The following CYP4Z1 variants were observed in gnomAD, a reference collection of about 807,000 sequenced individuals.
The protein encoded by CYP4Z1 is cytochrome P450 family 4 subfamily Z member 1, also known as cytochrome P450 4Z1.
Under a neutral mutation model 54.2 loss-of-function variants are expected in CYP4Z1, and 41 were observed. That is an observed-to-expected ratio of 0.76 (90% CI 0.59 to 0.98). The LOEUF (loss-of-function observed/expected upper bound fraction) is 0.98. Among genes scored for constraint, CYP4Z1 ranks in the 50% least tolerant of loss-of-function variants. The pLI is 0.00. For missense variants in CYP4Z1, 513 were observed against 599.0 expected, an observed-to-expected ratio of 0.86 and a Z score of 1.50; for synonymous variants, 163 against 206.2, an observed-to-expected ratio of 0.79 and a Z score of 1.79.
intron 9 of CYP4Z1, among the ~76,000 whole-genome samples, chr1:47,112,540 A>G (rs1005971035): frequency 3.3e-5 from 5 of 152,190 alleles, no homozygotes; most frequent in African/African-American, 1.2e-4. Flanking sequence ...AATTGAACAA[A>G]AATATATTTA....
chr1:47,115,407 T>C, intron 9 of CYP4Z1, 122 bp from the exon 10 acceptor site: 1 of 832,828 alleles, frequency 1.2e-6, no homozygotes, highest in South Asian at 1.6e-5. Flanking sequence ...GTAACAAACC[T>C]TCATGTTGTG....
Position 47,111,344 on chromosome 1 carries a change from T to A in CYP4Z1, c.1202-4185T>A, listed in dbSNP as rs186447082. ...AACTACAGGCGCATGTCACCACGCC[T>A]GGCTAATTTTTTGTATTTTTAGTGG... On this transcript the variant is annotated intron_variant, in intron 9 of 11. Coordinates refer to ENST00000334194, the MANE Select transcript of CYP4Z1 (RefSeq NM_178134.3). Among the ~76,000 whole-genome samples, 4 of 152,224 alleles carry A rather than the reference T, an allele frequency of 2.6e-5. No homozygotes were observed. In the East Asian group the frequency reaches 7.7e-4, roughly 29 times the overall value.
rs1311537860 is a variant in CYP4Z1, at chr1:47,082,480, A to T, written c.492+19A>T. 6.3e-7 allele frequency: 1 copy of T among 1,599,396 alleles called. No homozygotes were observed. Among genetic ancestry groups the T allele is most frequent in the African/African-American group, 1.3e-5 (1 of 74,738 alleles). On this transcript the variant is annotated intron_variant, in intron 4 of 11. Coordinates refer to ENST00000334194, the MANE Select transcript of CYP4Z1 (RefSeq NM_178134.3). ...GATGCTGGTAAGAGGAGAAGAGAGC[A>T]TTCGTACCTGGCCTCTGAAGTGAGG...
At position 47,108,670 on chromosome 1, in the gene CYP4Z1, C is replaced by T. The variant is rs554669674; in HGVS notation, c.1201+2409C>T. 7.6e-4 allele frequency among the ~76,000 whole-genome samples: 116 copies of T among 152,172 alleles called. 1 individual carries two copies. Among genetic ancestry groups the T allele is most frequent in the Non-Finnish European group, 1.4e-3 (92 of 68,034 alleles). ...GTGCCCTTCTCTTCATTTGCTGGCCCAACAAGTGCATATTAAACATTTGCT... is the reference window on the plus strand; with the variant it reads ...GTGCCCTTCTCTTCATTTGCTGGCCTAACAAGTGCATATTAAACATTTGCT... On this transcript the variant is annotated intron_variant, in intron 9 of 11. Transcript: ENST00000334194.
At position 47,098,915 on chromosome 1, in the gene CYP4Z1, C is replaced by T. The variant is rs145998722; in HGVS notation, c.877-179C>T. On this transcript the variant is annotated intron_variant, in intron 7 of 11. Transcript: ENST00000334194. ...TTGAATTCTGTTGAGTCATTTCTTT[C>T]TACATTGCCTGGTGTTCTGTTAAGG... Among the ~76,000 whole-genome samples the T allele has an allele frequency of 5.0e-3, 757 of 152,262 alleles. 8 individuals carry two copies. Among genetic ancestry groups the T allele is most frequent in the African/African-American group, 0.017 (709 of 41,550 alleles).
intron 8 of CYP4Z1, among the ~76,000 whole-genome samples, chr1:47,102,391 C>T (rs190844402): frequency 6.0e-4 from 91 of 152,220 alleles, no homozygotes; most frequent in African/African-American, 2.0e-3. Context: ...ACCATTTGAG[C>T]TTTTTCTCTG....
In CYP4Z1 at chr1:47,067,527, C is replaced by T; in HGVS notation, c.37C>T (p.Pro13Ser). 1 of 1,612,718 alleles carries T rather than the reference C, an allele frequency of 6.2e-7. No homozygotes were observed. The highest frequency in any genetic ancestry group is 1.7e-4 in the Middle Eastern group (1 of 6,050). ...CTGGCTTCAGGAACTCATGGCTCAC[C>T]CCTTCTTGCTGCTGATCCTCCTCTG... ...PSWLQELMAH[P>S]FLLLILLCMS... Residue 13 changes from proline to serine, a missense_variant, in exon 1 of 12, where the codon CCC (proline) becomes TCC (serine). Coordinates refer to ENST00000334194, the MANE Select transcript of CYP4Z1 (RefSeq NM_178134.3).
intron 2 of CYP4Z1, among the ~76,000 whole-genome samples, chr1:47,068,993 AT>A (rs1644472945): frequency 6.6e-6 from 1 of 151,950 alleles, no homozygotes; most frequent in African/African-American, 2.4e-5. Context: ...TACATGGCAA[AT>A]TTTTTCTGAT....
chr1:47,099,182 C>G lies in CYP4Z1; in HGVS notation c.965C>G (p.Ala322Gly). The stretch of plus-strand genomic sequence containing the variant: ...GCAGGACATGACACCACATCCAGTG[C>G]TATCTCCTGGATCCTTTACTGCTTG... ...MFAGHDTTSS[A>G]ISWILYCLAK... Residue 322 changes from alanine to glycine, a missense_variant, in exon 8 of 12, where the codon GCT (alanine) becomes GGT (glycine). By Grantham distance (60) the Ala-to-Gly change is moderately conservative. Transcript: ENST00000334194. 6.2e-7 allele frequency: 1 copy of G among 1,614,008 alleles called. No homozygotes were observed.
intron 6 of CYP4Z1, among the ~76,000 whole-genome samples, chr1:47,085,682 T>A (rs913764102): frequency 8.7e-4 from 133 of 152,296 alleles, no homozygotes; most frequent in African/African-American, 3.0e-3. Context: ...TGTCTTTTTT[T>A]CTTTTTCTTT....
chr1:47,089,250 G>A (rs1341230090), intron 6 of CYP4Z1, among the ~76,000 whole-genome samples: 1 of 152,008 alleles, frequency 6.6e-6, no homozygotes, highest in Non-Finnish European at 1.5e-5. Context: ...GAAAATGCAA[G>A]GATCTTACAC....
chr1:47,055,819 T>C, the CYP4Z1 span, among the ~76,000 whole-genome samples: 4 of 152,180 alleles, frequency 2.6e-5, no homozygotes, highest in Admixed American at 1.3e-4. Context: ...TTTTCTTCTT[T>C]ATTAGTCTTG....
At chr1:47,073,916 T>A (rs558524725) in intron 2 of CYP4Z1, among the ~76,000 whole-genome samples, 5 of 152,328 alleles carry the variant, frequency 3.3e-5, no homozygotes, top group Non-Finnish European at 7.3e-5. Flanking sequence ...ACCCTTTTAG[T>A]GGCCCTTGAT....
intron 7 of CYP4Z1, among the ~76,000 whole-genome samples, chr1:47,097,725 T>C (rs2148535934): frequency 6.6e-6 from 1 of 152,260 alleles, no homozygotes; most frequent in East Asian, 1.9e-4. Context: ...GTGGTATAAT[T>C]TGGAGAGGCC....
intron 8 of CYP4Z1, among the ~76,000 whole-genome samples, chr1:47,100,766 A>G (rs767409543): frequency 2.6e-5 from 4 of 152,256 alleles, no homozygotes; most frequent in Non-Finnish European, 5.9e-5. Context: ...AAAAAACAGT[A>G]TATACAAAGT....
intron 6 of CYP4Z1, among the ~76,000 whole-genome samples, chr1:47,085,453 T>A (rs903879184): frequency 6.6e-6 from 1 of 152,170 alleles, no homozygotes; most frequent in Admixed American, 6.5e-5. Flanking sequence ...ACCATAAATC[T>A]ACCTATGACA....
intron 4 of CYP4Z1, among the ~76,000 whole-genome samples, chr1:47,084,383 A>G (rs1644576579): frequency 6.6e-6 from 1 of 151,632 alleles, no homozygotes; most frequent in Admixed American, 6.6e-5. Context: ...GAAACTTGAA[A>G]AAGAGGGAAA....
At chr1:47,092,079 G>C (rs1256830290) in intron 6 of CYP4Z1, among the ~76,000 whole-genome samples, 1 of 151,986 alleles carries the variant, frequency 6.6e-6, no homozygotes, top group African/African-American at 2.4e-5. Context: ...TGTGAGAGTG[G>C]TCCTGAACCC....
chr1:47,062,414 T>G (rs936906013), upstream of CYP4Z1, among the ~76,000 whole-genome samples: 1 of 152,160 alleles, frequency 6.6e-6, no homozygotes, highest in Non-Finnish European at 1.5e-5. Context: ...GCTTCCTTTC[T>G]CAATGAGGAG....
Sources: gnomAD v4.1 joint callset for allele counts (sites outside exome capture counted in the v4.1 genomes callset) on GRCh38, gnomAD v4.1.1 for gene constraint, MANE v1.5 for transcripts, NCBI Gene and HGNC (gene_info 2026-07-23, HGNC 2026-07-21) for gene names.